The following DOK3 variants were observed in gnomAD, a reference collection of about 807,000 sequenced individuals.
DOK3 encodes docking protein 3.
A neutral mutation model predicts 26.2 loss-of-function variants in DOK3; 23 were observed. The observed-to-expected ratio is 0.88, with a 90% CI of 0.63 to 1.24. The LOEUF (loss-of-function observed/expected upper bound fraction) is 1.24. Among genes scored for constraint, DOK3 ranks in the 50% most tolerant of loss-of-function variants. The probability of loss-of-function intolerance (pLI) is 0.00; values close to 1 mark genes in which losing one functional copy is unlikely to be tolerated. For missense variants in DOK3, 619 were observed against 610.6 expected (o/e 1.01, Z -0.15); for synonymous variants, 268 against 268.2 (o/e 1.00, Z 0.01).
In DOK3 at chr5:177,508,308, C is replaced by A; in HGVS notation, c.301G>T (p.Glu101Ter). 6.3e-7 allele frequency: 1 copy of A among 1,585,284 alleles called. No homozygotes were observed. Among genetic ancestry groups the A allele is most frequent in the Non-Finnish European group, 8.6e-7 (1 of 1,169,546 alleles). ...DTGAFLLTTT[E>*]RSHLLAAQHR... The stretch of plus-strand genomic sequence containing the variant: ...TGAGCAGCCAGTAGATGGCTTCGCT[C>A]GGTGGTGGTGAGCAGGAAGGCACCG... Residue 101 changes from glutamate to a stop codon, truncating the protein, a stop_gained, in exon 3 of 6, where the codon GAG becomes TAG. Coordinates refer to ENST00000510898, the MANE Select transcript of DOK3 (RefSeq NM_001308236.3). LOFTEE classifies it high-confidence loss of function.
chr5:177,507,464 T>G (rs927922002), intron 3 of DOK3, among the ~76,000 whole-genome samples: 1 of 151,384 alleles, frequency 6.6e-6, no homozygotes, highest in Non-Finnish European at 1.5e-5. Flanking sequence ...TCCATGTGGG[T>G]TTTTTTTTAA....
chr5:177,507,514 G>A (rs1376666822), intron 3 of DOK3, among the ~76,000 whole-genome samples: 2 of 152,008 alleles, frequency 1.3e-5, no homozygotes, highest in Non-Finnish European at 2.9e-5. Context: ...GAGTGAAGTG[G>A]CACGATTACA....
chr5:177,509,767 GC>G lies in DOK3; in HGVS notation c.-128del, dbSNP rs1760744074. 4 of 1,612,388 alleles carry G rather than the reference GC, an allele frequency of 2.5e-6. No homozygotes were observed. The highest frequency in any genetic ancestry group is 1.1e-5 in the South Asian group (1 of 91,034). On this transcript the variant is annotated 5_prime_UTR_variant, in exon 1 of 6. Coordinates refer to ENST00000510898, the MANE Select transcript of DOK3 (RefSeq NM_001308236.3). ...AGGTGCCCACACCTACCTGGAGGGA[GC>G]CCCCGGCCACCTGAAGGCAGCCTTC... is the stretch of plus-strand genomic sequence containing the variant.
chr5:177,510,058 G>C, upstream of DOK3: 1 of 689,584 alleles, frequency 1.5e-6, no homozygotes, highest in Non-Finnish European at 2.4e-6. Context: ...TCCACCTCAC[G>C]AGCCACTGAA....
rs781431445 is a variant in DOK3 at position 177,504,854 on chromosome 5, C to T, written c.534G>A (p.Gly178=). The T allele has an allele frequency of 6.2e-7, 1 of 1,610,568 alleles. No homozygotes were observed. The highest frequency in any genetic ancestry group is 1.7e-5 in the Admixed American group (1 of 59,580). The part of the protein sequence containing the change: ...TEAATRCQLK[G]PALLVLGPDA... ...CTGGGCCCAGCACCAGCAGGGCCGG[C>T]CCCTTCAGCTGGCAGCGGGTGGCGG... The change falls in exon 5 of 6, where the codon GGG becomes GGA. Residue 178 remains glycine, a synonymous_variant. Transcript: ENST00000510898.
chr5:177,509,711 T>C, intron 1 of DOK3, 47 bp downstream of exon 1: 2 of 1,608,654 alleles, frequency 1.2e-6, no homozygotes, highest in Non-Finnish European at 8.5e-7. Flanking sequence ...GGGGGCAGCA[T>C]GTATTTCCTC....
At chr5:177,507,830 G>A (rs903716758) in intron 3 of DOK3, among the ~76,000 whole-genome samples, 1 of 152,176 alleles carries the variant, frequency 6.6e-6, no homozygotes, top group Admixed American at 6.5e-5. Flanking sequence ...CTGTGAGTTG[G>A]CTTCCTCCTG....
rs1429244922 is a variant in DOK3, at chr5:177,502,835, A to G, written c.*1148T>C. 2 of 551,854 alleles carry G rather than the reference A, an allele frequency of 3.6e-6. No individual in the cohort carries two copies. The highest frequency in any genetic ancestry group is 2.7e-5 in the South Asian group (1 of 36,714). The allele number at this position is 551,854 out of a possible 1,614,324, so 34.2% of individuals were successfully genotyped here. ...TGCCAGACCAGTAAGATGAAACGAGAGAGAACAGGGGGAAGGGACTATGGA... is the reference window on the plus strand; with the variant it reads ...TGCCAGACCAGTAAGATGAAACGAGGGAGAACAGGGGGAAGGGACTATGGA... On this transcript the variant is annotated 3_prime_UTR_variant, in exon 6 of 6. Transcript: ENST00000510898.
chr5:177,503,004 A>C lies in DOK3; in HGVS notation c.*979T>G. Reference sequence around the variant, plus strand: ...GGCGGCCAGAGGATGAGGCTTGGACAGGAGAGAGCAAAAATTGTGTGTCCG... The same window carrying C: ...GGCGGCCAGAGGATGAGGCTTGGACCGGAGAGAGCAAAAATTGTGTGTCCG... On this transcript the variant is annotated 3_prime_UTR_variant, in exon 6 of 6. Coordinates refer to ENST00000510898, the MANE Select transcript of DOK3 (RefSeq NM_001308236.3). The C allele has an allele frequency of 6.8e-7, 1 of 1,472,284 alleles. No homozygotes were observed. Among genetic ancestry groups the C allele is most frequent in the Non-Finnish European group, 9.1e-7 (1 of 1,094,514 alleles). 91.2% of individuals were successfully genotyped at this position (1,472,284 alleles called of 1,614,324 possible).
chr5:177,503,083 T>TG lies in DOK3; in HGVS notation c.*899dup, dbSNP rs1471459776. ...AGGGTGTGTGCAGCTGAGGTGGAGT[T>TG]GCGGTGAGGGGCTGGGCAGTCAGAG... On this transcript the variant is annotated 3_prime_UTR_variant, in exon 6 of 6. Coordinates refer to ENST00000510898, the MANE Select transcript of DOK3 (RefSeq NM_001308236.3). 1 of 1,548,172 alleles carries TG rather than the reference T, an allele frequency of 6.5e-7. No homozygotes were observed. Among genetic ancestry groups the TG allele is most frequent in the Admixed American group, 2.0e-5 (1 of 50,880 alleles).
At position 177,504,543 on chromosome 5, in the gene DOK3, G is replaced by T; in HGVS notation, c.763C>A (p.Arg255=). The T allele has an allele frequency of 6.3e-7, 1 of 1,591,632 alleles. No individual in the cohort carries two copies. The highest frequency in any genetic ancestry group is 8.5e-7 in the Non-Finnish European group (1 of 1,171,778). Residue 255 remains arginine (R), a synonymous_variant, in exon 6 of 6, where the codon CGG becomes AGG. Transcript: ENST00000510898. ...CTGGTCAGCTCTGGCAGCCGCTCCC[G>T]CTGGCGGGCGATGGCCCCGGCCACA... ...RAVAGAIARQ[R]ERLPELTRPQ...
intron 3 of DOK3, among the ~76,000 whole-genome samples, chr5:177,507,218 T>C (rs1221642093): frequency 6.6e-6 from 1 of 151,660 alleles, no homozygotes; most frequent in Non-Finnish European, 1.5e-5. Context: ...GGTCTCACTA[T>C]GTTGCCCAGG....
rs774869740 is a variant in DOK3 at position 177,508,412 on chromosome 5, C to T, written c.197G>A (p.Arg66Gln). Reference sequence around the variant, plus strand: ...CAGGCGGATGACCCGTCGCTCCCCTCGCCGGCCAGGCCCTGCCGACCTGTC... The same window carrying T: ...CAGGCGGATGACCCGTCGCTCCCCTTGCCGGCCAGGCCCTGCCGACCTGTC... ...AGDRSAGPGRRGERRVIRLAD... is the reference protein window; with the variant it reads ...AGDRSAGPGRQGERRVIRLAD... Residue 66 changes from arginine (R) to glutamine (Q), a missense_variant, in exon 3 of 6, where the codon CGA (arginine) becomes CAA (glutamine). Coordinates refer to ENST00000510898, the MANE Select transcript of DOK3 (RefSeq NM_001308236.3). 10 of 1,602,966 alleles carry T rather than the reference C, an allele frequency of 6.2e-6. No homozygotes were observed. The highest frequency in any genetic ancestry group is 1.3e-5 in the African/African-American group (1 of 75,028).
In DOK3 at chr5:177,504,640, G is replaced by A. The variant is rs374754766; in HGVS notation, c.666C>T (p.Ala222=). Reference sequence around the variant, plus strand: ...CCTCACCCGAGTGGCAGCGACGGCCGGCCTCAAAGGAGAACACGCCCTGGG... The same window carrying A: ...CCTCACCCGAGTGGCAGCGACGGCCAGCCTCAAAGGAGAACACGCCCTGGG... ...GSDKGVFSFE[A]GRRCHSGEGL... The change falls in exon 6 of 6, where the codon GCC becomes GCT. Residue 222 remains alanine, a synonymous_variant. Coordinates refer to ENST00000510898, the MANE Select transcript of DOK3 (RefSeq NM_001308236.3). 84 of 1,612,426 alleles carry A rather than the reference G, an allele frequency of 5.2e-5. 1 individual carries two copies. Among genetic ancestry groups the A allele is most frequent in the South Asian group, 2.0e-4 (18 of 91,080 alleles).
Position 177,504,473 on chromosome 5 carries a change from A to T in DOK3, c.833T>A (p.Leu278Gln), listed in dbSNP as rs773076458. 6.3e-7 allele frequency: 1 copy of T among 1,583,352 alleles called. No individual in the cohort carries two copies. The highest frequency in any genetic ancestry group is 1.1e-5 in the South Asian group (1 of 87,142). ...PLPRATSLPS[L>Q]DTPGELREMP... ...CTCCCGAAGCTCTCCGGGGGTGTCC[A>T]GGGAGGGCAGAGAGGTGGCCCGTGG... The change falls in exon 6 of 6, where the codon CTG becomes CAG. Residue 278 changes from leucine (L) to glutamine (Q), a missense_variant. Physicochemically the swap from Leu to Gln is moderately radical, Grantham distance 113 (BLOSUM62 -2). Transcript: ENST00000510898.
intron 3 of DOK3, among the ~76,000 whole-genome samples, chr5:177,507,757 C>T (rs930552284): frequency 1.2e-4 from 18 of 152,220 alleles, no homozygotes; most frequent in Non-Finnish European, 1.8e-4. Context: ...CCAAAGCCTT[C>T]GCCTCTCACT....
At position 177,503,725 on chromosome 5, in the gene DOK3, C is replaced by A; in HGVS notation, c.*258G>T. The A allele has an allele frequency of 1.4e-6, 2 of 1,405,482 alleles. No homozygotes were observed. The highest frequency in any genetic ancestry group is 1.8e-6 in the Non-Finnish European group (2 of 1,084,554). 87.1% of individuals were successfully genotyped at this position (1,405,482 alleles called of 1,614,324 possible). On this transcript the variant is annotated 3_prime_UTR_variant, in exon 6 of 6. Transcript: ENST00000510898. ...ACCGGCACAGGGTGCTTGTGTTGGC[C>A]GCAATGAACGTGGGCAGGGGCGTGT...
At position 177,503,793 on chromosome 5, in the gene DOK3, CTG is replaced by C; in HGVS notation, c.*188_*189del. 1.4e-6 allele frequency: 2 copies of C among 1,427,366 alleles called. No individual in the cohort carries two copies. The highest frequency in any genetic ancestry group is 1.8e-6 in the Non-Finnish European group (2 of 1,095,502). 88.4% of individuals were successfully genotyped at this position (1,427,366 alleles called of 1,614,324 possible). A position where few individuals can be genotyped will look rare whatever the true frequency, so the allele number is the denominator to read the frequency against. On this transcript the variant is annotated 3_prime_UTR_variant, in exon 6 of 6. Coordinates refer to ENST00000510898, the MANE Select transcript of DOK3 (RefSeq NM_001308236.3). ...CGGGAGCTGCTCTGAGCTTTATTAT[CTG>C]TGAGTCTGCACACTATTCATGAGGA... is the stretch of plus-strand genomic sequence containing the variant.
chr5:177,504,755 G>A lies in DOK3; in HGVS notation c.633C>T (p.Phe211=), dbSNP rs374194442. The part of the protein sequence containing the change: ...YSWPYHFLRK[F]GSDKGVFSFE... ...CCCTGCACCTCACCTTGTCGGAGCC[G>A]AACTTGCGCAGGAAGTGGTAGGGCC... Residue 211 remains phenylalanine (F), a synonymous_variant, in exon 5 of 6, where the codon TTC becomes TTT. Coordinates refer to ENST00000510898, the MANE Select transcript of DOK3 (RefSeq NM_001308236.3). The A allele has an allele frequency of 4.3e-5, 69 of 1,613,904 alleles. No individual in the cohort carries two copies. Among genetic ancestry groups the A allele is most frequent in the African/African-American group, 1.1e-4 (8 of 74,922 alleles).
Sources: gnomAD v4.1 joint callset for allele counts (sites outside exome capture counted in the v4.1 genomes callset) on GRCh38, gnomAD v4.1.1 for gene constraint, MANE v1.5 for transcripts, NCBI Gene and HGNC (gene_info 2026-07-23, HGNC 2026-07-21) for gene names.